ST6GALNAC3: variants seen among roughly 807,000 people sequenced by gnomAD.
ST6GALNAC3 encodes ST6 N-acetylgalactosaminide alpha-2,6-sialyltransferase 3.
In ST6GALNAC3, 25 loss-of-function variants were observed where a neutral mutation model predicts 32.7. That is an observed-to-expected ratio of 0.76 (90% confidence interval 0.56 to 1.07). The LOEUF (loss-of-function observed/expected upper bound fraction) is 1.07. Among genes scored for constraint, ST6GALNAC3 ranks in the 50% least tolerant of loss-of-function variants. The pLI, the probability that ST6GALNAC3 is intolerant of heterozygous loss-of-function variation, is 0.00. For missense variants in ST6GALNAC3, 355 were observed against 382.4 expected (o/e 0.93, Z 0.60); for synonymous variants, 129 against 133.1 (o/e 0.97, Z 0.21).
intron 2 of ST6GALNAC3, among the ~76,000 whole-genome samples, chr1:76,409,616 T>G (rs1162324210): frequency 6.6e-6 from 1 of 152,070 alleles, no homozygotes; most frequent in Non-Finnish European, 1.5e-5. Flanking sequence ...AATGGAATCT[T>G]GTGCAGGCAT....
At chr1:76,197,010 A>G (rs1274578248) in intron 1 of ST6GALNAC3, among the ~76,000 whole-genome samples, 1 of 152,186 alleles carries the variant, frequency 6.6e-6, no homozygotes, top group African/African-American at 2.4e-5. Context: ...TTTTTCTAGC[A>G]TGTCCTATTT....
chr1:76,464,587 C>T (rs1658502178), intron 3 of ST6GALNAC3, among the ~76,000 whole-genome samples: 2 of 152,170 alleles, frequency 1.3e-5, no homozygotes, highest in Non-Finnish European at 2.9e-5. Flanking sequence ...GCCATCTGTT[C>T]TCAGAAAAGA....
At chr1:76,339,246 C>G (rs1036913556) in intron 2 of ST6GALNAC3, among the ~76,000 whole-genome samples, 1 of 152,024 alleles carries the variant, frequency 6.6e-6, no homozygotes, top group Non-Finnish European at 1.5e-5. Context: ...GGAAGATTCC[C>G]CTGAATTTTC....
rs567228444 is a variant in ST6GALNAC3, at chr1:76,300,585, G to A, written c.19-13220G>A. On this transcript the variant is annotated intron_variant, in intron 1 of 4. Transcript: ENST00000328299. ...TAAGCTGCTGCCTAAGGACAGCTAA[G>A]TGCTAAGTTTATTGCTAAGTGGTAA... 3.9e-5 allele frequency among the ~76,000 whole-genome samples: 6 copies of A among 152,116 alleles called. No homozygotes were observed. The South Asian group carries it at 1.0e-3, about 26-fold the overall frequency.
At chr1:76,102,047 C>T (rs1416604355) in intron 1 of ST6GALNAC3, among the ~76,000 whole-genome samples, 6 of 151,962 alleles carry the variant, frequency 3.9e-5, no homozygotes, top group African/African-American at 7.3e-5. Flanking sequence ...TTTCTTTTGT[C>T]TTTTTTTGTT....
intron 1 of ST6GALNAC3, among the ~76,000 whole-genome samples, chr1:76,150,324 A>G (rs970535630): frequency 2.0e-5 from 3 of 152,018 alleles, no homozygotes; most frequent in African/African-American, 4.8e-5. Flanking sequence ...ACCTTTTATC[A>G]TGTGTTCTTG....
At chr1:76,625,369 A>G (rs1287037210) in intron 3 of ST6GALNAC3, among the ~76,000 whole-genome samples, 1 of 151,928 alleles carries the variant, frequency 6.6e-6, no homozygotes, top group Non-Finnish European at 1.5e-5. Flanking sequence ...TCATATAGAA[A>G]CAAACAAATG....
At chr1:76,505,361 A>T (rs1381781770) in intron 3 of ST6GALNAC3, among the ~76,000 whole-genome samples, 1 of 152,090 alleles carries the variant, frequency 6.6e-6, no homozygotes, top group East Asian at 1.9e-4. Flanking sequence ...TGACCTAGTG[A>T]TCCACCCACC....
chr1:76,470,433 T>A lies in ST6GALNAC3; in HGVS notation c.623+58016T>A, dbSNP rs146928553. On this transcript the variant is annotated intron_variant, in intron 3 of 4. Transcript: ENST00000328299. ...TCTACTCCCACTGCATGTGTTTCTG[T>A]ATATAAAACCAATTGCTCATGCTTC... is the stretch of plus-strand genomic sequence containing the variant. Among the ~76,000 whole-genome samples, 33 of 152,242 alleles carry A rather than the reference T, an allele frequency of 2.2e-4. No individual in the cohort carries two copies. The East Asian group carries it at 5.8e-3, about 27-fold the overall frequency.
chr1:76,263,570 G>A (rs1455773443), intron 1 of ST6GALNAC3, among the ~76,000 whole-genome samples: 2 of 152,134 alleles, frequency 1.3e-5, no homozygotes, highest in African/African-American at 2.4e-5. Flanking sequence ...ATTGAGATGT[G>A]TAATATTGAA....
intron 1 of ST6GALNAC3, among the ~76,000 whole-genome samples, chr1:76,286,270 G>C (rs749802848): frequency 4.6e-5 from 7 of 152,188 alleles, no homozygotes; most frequent in Non-Finnish European, 7.3e-5. Context: ...GAAGCTTTGG[G>C]AGAAAGGTAA....
chr1:76,536,166 A>T (rs1260503950), intron 3 of ST6GALNAC3, among the ~76,000 whole-genome samples: 1 of 152,206 alleles, frequency 6.6e-6, no homozygotes, highest in Non-Finnish European at 1.5e-5. Flanking sequence ...TTTGAGAAAC[A>T]GGTAGATAAA....
chr1:76,355,905 C>G (rs1268849760), intron 2 of ST6GALNAC3, among the ~76,000 whole-genome samples: 2 of 152,106 alleles, frequency 1.3e-5, no homozygotes, highest in Admixed American at 1.3e-4. Context: ...TATGTGTACA[C>G]TGTTGGCTTA....
intron 3 of ST6GALNAC3, among the ~76,000 whole-genome samples, chr1:76,545,657 CTTT>C (rs35495132): frequency 2.6e-4 from 35 of 134,570 alleles, no homozygotes; most frequent in Non-Finnish European, 2.3e-4. Context: ...GATGAAGAAA[CTTT>C]TTTTTTTTTT....
intron 3 of ST6GALNAC3, among the ~76,000 whole-genome samples, chr1:76,419,524 T>A (rs902271415): frequency 6.6e-6 from 1 of 152,154 alleles, no homozygotes; most frequent in Admixed American, 6.6e-5. Flanking sequence ...TACAATTATT[T>A]CTCCTCTCCT....
chr1:76,543,556 TTTC>T (rs1255307738), intron 3 of ST6GALNAC3, among the ~76,000 whole-genome samples: 1 of 152,216 alleles, frequency 6.6e-6, no homozygotes, highest in Non-Finnish European at 1.5e-5. Flanking sequence ...GGGTGCCGTG[TTTC>T]TTCATTACTT....
At chr1:76,075,618 C>T (rs1646804770) in intron 1 of ST6GALNAC3, among the ~76,000 whole-genome samples, 1 of 152,132 alleles carries the variant, frequency 6.6e-6, no homozygotes, top group Admixed American at 6.5e-5. Context: ...TTTCTGGGTT[C>T]ACAGACTTGT....
At chr1:76,545,922 G>A (rs1218812786) in intron 3 of ST6GALNAC3, among the ~76,000 whole-genome samples, 1 of 152,324 alleles carries the variant, frequency 6.6e-6, no homozygotes, top group East Asian at 1.9e-4. Flanking sequence ...GCCTTCCAAA[G>A]TGCTGGGATC....
At chr1:76,513,717 A>G (rs569295467) in intron 3 of ST6GALNAC3, among the ~76,000 whole-genome samples, 1 of 152,194 alleles carries the variant, frequency 6.6e-6, no homozygotes, top group South Asian at 2.1e-4. Context: ...TTTTGATAAG[A>G]ATTGCATTAC....
Sources: allele counts gnomAD v4.1 joint callset (sites outside exome capture counted in the v4.1 genomes callset), GRCh38; gene constraint gnomAD v4.1.1; transcripts MANE v1.5; gene names NCBI Gene and HGNC (gene_info 2026-07-23, HGNC 2026-07-21).